DST: variants seen among roughly 807,000 people sequenced by gnomAD.
DST encodes dystonin.
In DST, 253 loss-of-function variants were observed where a neutral mutation model predicts 875.2. The observed-to-expected ratio is 0.29, with a 90% CI of 0.26 to 0.32. The LOEUF (loss-of-function observed/expected upper bound fraction) is 0.32, where lower values mean the gene tolerates loss of function less well. DST is among the 10% of genes least tolerant of loss of function. DST has a pLI of 1.00. For synonymous variants in DST, 3,124 were observed against 3,197.1 expected, an observed-to-expected ratio of 0.98 and a Z score of 0.77; for missense variants, 8,287 against 9,111.6, an observed-to-expected ratio of 0.91 and a Z score of 3.68.
chr6:56,872,564 G>A (rs1345540157), intron 3 of DST, among the ~76,000 whole-genome samples: 1 of 151,956 alleles, frequency 6.6e-6, no homozygotes, highest in Non-Finnish European at 1.5e-5. Context: ...AACTTTTTAG[G>A]AATAAATAGA....
chr6:56,954,499 G>A lies in DST; in HGVS notation c.89C>T (p.Ala30Val), dbSNP rs567048270. 1 of 1,367,574 alleles carries A rather than the reference G, an allele frequency of 7.3e-7. No homozygotes were observed. The highest frequency in any genetic ancestry group is 1.5e-5 in the African/African-American group (1 of 67,880). The allele number at this position is 1,367,574 out of a possible 1,614,324, so 84.7% of individuals were successfully genotyped here. A position where few individuals can be genotyped will look rare whatever the true frequency, so the allele number is the denominator to read the frequency against. ...CCAGCAGCAGAAGAAGACGATGGTG[G>A]CGATGGTGCCCAGCAGAAGCAACAA... ...FLLLLLLGTI[A>V]TIVFFCCWHR... The change falls in exon 1 of 104, where the codon GCC (alanine) becomes GTC (valine). Residue 30 changes from alanine to valine, a missense_variant. Coordinates refer to ENST00000680361, the MANE Select transcript of DST (RefSeq NM_001374736.1).
chr6:56,724,703 G>C (rs1317559989), intron 5 of DST, among the ~76,000 whole-genome samples: 1 of 152,208 alleles, frequency 6.6e-6, no homozygotes, highest in East Asian at 1.9e-4. Context: ...TGTTAGAGTG[G>C]TTCTTGGCCA....
At chr6:56,788,369 T>C (rs1433612057) in intron 4 of DST, among the ~76,000 whole-genome samples, 1 of 151,826 alleles carries the variant, frequency 6.6e-6, no homozygotes, top group East Asian at 2.0e-4. Flanking sequence ...CTACTTTTTG[T>C]ATTTGTTTGA....
chr6:56,780,458 G>A (rs1333340277), intron 4 of DST, among the ~76,000 whole-genome samples: 1 of 151,322 alleles, frequency 6.6e-6, no homozygotes, highest in Non-Finnish European at 1.5e-5. Context: ...GTTTTGATTT[G>A]CATTTCTCTG....
rs373779555 is a variant in DST at position 56,671,896 on chromosome 6, T to C, written c.1048-1089A>G. 5.9e-5 allele frequency among the ~76,000 whole-genome samples: 9 copies of C among 152,300 alleles called. No individual in the cohort carries two copies. The East Asian group carries it at 1.2e-3, about 20-fold the overall frequency. On this transcript the variant is annotated intron_variant, in intron 9 of 103. Coordinates refer to ENST00000680361, the MANE Select transcript of DST (RefSeq NM_001374736.1). ...CTTCTAGACCTGGTTCCTAGTCTCA[T>C]AGGTTTGAATAATTCATTTCATGTT...
At chr6:56,847,464 CATAA>C (rs1372825125) in intron 4 of DST, among the ~76,000 whole-genome samples, 1 of 152,234 alleles carries the variant, frequency 6.6e-6, no homozygotes, top group East Asian at 1.9e-4. Context: ...GCACTTACAA[CATAA>C]ATAGTCCAGT....
chr6:56,941,861 T>C (rs1816788433), intron 2 of DST, among the ~76,000 whole-genome samples: 1 of 152,226 alleles, frequency 6.6e-6, no homozygotes, highest in Non-Finnish European at 1.5e-5. Flanking sequence ...ACGTTTTTAC[T>C]GATTTTCTGT....
intron 55 of DST, among the ~76,000 whole-genome samples, chr6:56,567,898 A>T (rs1585111638): frequency 6.6e-6 from 1 of 152,244 alleles, no homozygotes; most frequent in Non-Finnish European, 1.5e-5. Context: ...ATATTTACAC[A>T]TGAATCTCCC....
intron 9 of DST, among the ~76,000 whole-genome samples, chr6:56,682,827 A>G (rs935200913): frequency 1.3e-5 from 2 of 152,188 alleles, no homozygotes; most frequent in African/African-American, 4.8e-5. Context: ...ACAGTCTCAA[A>G]AAACAGCTGA....
intron 3 of DST, among the ~76,000 whole-genome samples, chr6:56,856,514 AACAG>A (rs1398724302): frequency 6.6e-6 from 1 of 152,238 alleles, no homozygotes; most frequent in African/African-American, 2.4e-5. Context: ...CACACAAGGA[AACAG>A]ACAAATCCTG....
chr6:56,572,767 C>T lies in DST; in HGVS notation c.13534G>A (p.Glu4512Lys), dbSNP rs1407297219. The change falls in exon 52 of 104, where the codon GAA (glutamate) becomes AAA (lysine). Residue 4512 changes from glutamate (E) to lysine (K), a missense_variant. Glu to Lys is a moderately conservative substitution (Grantham distance 56, BLOSUM62 1). Coordinates refer to ENST00000680361, the MANE Select transcript of DST (RefSeq NM_001374736.1). ...CATACCTGCATATACTGAGACAATT[C>T]AGTAACATCTTTTCCTGGCACATCT... ...EVDVPGKDVT[E>K]LSQYMQESTS... 6.3e-7 allele frequency: 1 copy of T among 1,598,038 alleles called. No homozygotes were observed. The highest frequency in any genetic ancestry group is 8.5e-7 in the Non-Finnish European group (1 of 1,173,414).
intron 2 of DST, among the ~76,000 whole-genome samples, chr6:56,933,164 C>CA (rs1811194955): frequency 6.6e-6 from 1 of 152,104 alleles, no homozygotes; most frequent in Admixed American, 6.5e-5. Context: ...CCAGAGCTAA[C>CA]AATCTTTTCT....
chr6:56,588,359 C>A (rs1268707243), intron 49 of DST, among the ~76,000 whole-genome samples: 2 of 152,188 alleles, frequency 1.3e-5, no homozygotes. Context: ...CTACCCCCGC[C>A]ATCCTGAACT....
intron 95 of DST, 28 bp downstream of exon 95, chr6:56,471,078 A>C (rs1324346738): frequency 9.4e-6 from 15 of 1,593,340 alleles, no homozygotes; most frequent in East Asian, 2.2e-5. Context: ...AAATTGTATC[A>C]GTCATAGTCA....
chr6:56,813,073 T>G (rs938061277), intron 4 of DST, among the ~76,000 whole-genome samples: 1 of 152,096 alleles, frequency 6.6e-6, no homozygotes, highest in Non-Finnish European at 1.5e-5. Context: ...GATGAGTTCA[T>G]GTCCTTTGTA....
intron 2 of DST, among the ~76,000 whole-genome samples, chr6:56,908,094 T>TAC (rs1340896983): frequency 2.8e-5 from 4 of 143,962 alleles, no homozygotes; most frequent in African/African-American, 1.1e-4. Flanking sequence ...TACATATATA[T>TAC]ATATACACAC....
intron 13 of DST, among the ~76,000 whole-genome samples, chr6:56,647,149 G>T (rs1022313443): frequency 2.0e-5 from 3 of 152,218 alleles, no homozygotes; most frequent in Non-Finnish European, 4.4e-5. Flanking sequence ...GGAAATAAGT[G>T]TATTTGAACA....
rs752644009 is a variant in DST at position 56,642,027 on chromosome 6, C to G, written c.1947G>C (p.Glu649Asp). The change falls in exon 17 of 104, where the codon GAG (glutamate) becomes GAC (aspartate). Residue 649 changes from glutamate to aspartate, a missense_variant. By Grantham distance (45) the Glu-to-Asp change is conservative. This residue lies in a region of DST where 1,160 missense variants were observed against 1,424.3 expected (regional missense o/e 0.81). Transcript: ENST00000680361. ...CAATTACATGCTGGCGTAAAAGGTT[C>G]TCACATTCAAGTATATACCCAGCAA... ...AEIAGYILEC[E>D]NLLRQHVIDV... 5.0e-6 allele frequency: 8 copies of G among 1,612,894 alleles called. No homozygotes were observed. In the East Asian group the frequency reaches 1.8e-4, roughly 36 times the overall value.
In DST at chr6:56,675,690, A is replaced by G. The variant is rs143447566; in HGVS notation, c.1048-4883T>C. ...AACATGGTGAAACCCCATCTCTACT[A>G]AAATACAAAACATTAGCTGGGCATG... On this transcript the variant is annotated intron_variant, in intron 9 of 103. Transcript: ENST00000680361. Among the ~76,000 whole-genome samples, 781 of 152,078 alleles carry G rather than the reference A, an allele frequency of 5.1e-3. 6 individuals are homozygous for G. Among genetic ancestry groups the G allele is most frequent in the Admixed American group, 0.011 (165 of 15,286 alleles).
Sources: gnomAD v4.1 joint callset for allele counts (sites outside exome capture counted in the v4.1 genomes callset) on GRCh38, gnomAD v4.1.1 for gene constraint, gnomAD v4.1.1 regional missense constraint, MANE v1.5 for transcripts, NCBI Gene and HGNC (gene_info 2026-07-23, HGNC 2026-07-21) for gene names.